ARHGEF10L: variants seen among roughly 807,000 people sequenced by gnomAD.
ARHGEF10L encodes the protein rho guanine nucleotide exchange factor 10-like protein.
A neutral mutation model predicts 141.2 loss-of-function variants in ARHGEF10L; 69 were observed. The ratio of observed to expected loss-of-function variants is 0.49; its 90% CI spans 0.40 to 0.60. The LOEUF (loss-of-function observed/expected upper bound fraction) is 0.60. ARHGEF10L is among the 20% of genes least tolerant of loss of function. The probability of loss-of-function intolerance (pLI) is 0.00; values close to 1 mark genes in which losing one functional copy is unlikely to be tolerated. For missense variants in ARHGEF10L, 1,482 were observed against 1,734.3 expected, an observed-to-expected ratio of 0.85 and a Z score of 2.58; for synonymous variants, 711 against 718.5, an observed-to-expected ratio of 0.99 and a Z score of 0.17.
chr1:17,648,816 A>G (rs1571246272), intron 22 of ARHGEF10L, 141 bp downstream of exon 22: 2 of 1,296,062 alleles, frequency 1.5e-6, no homozygotes, highest in Non-Finnish European at 2.1e-6. Flanking sequence ...TTACTGACAG[A>G]TTTGGTCAAG....
chr1:17,642,677 G>A, intron 21 of ARHGEF10L, among the ~76,000 whole-genome samples: 1 of 152,206 alleles, frequency 6.6e-6, no homozygotes, highest in East Asian at 1.9e-4. Flanking sequence ...TCAGCTGGAT[G>A]TTTCTGGGTG....
intron 1 of ARHGEF10L, among the ~76,000 whole-genome samples, chr1:17,562,567 T>C (rs894961280): frequency 6.6e-6 from 1 of 152,260 alleles, no homozygotes; most frequent in Non-Finnish European, 1.5e-5. Flanking sequence ...CATTCATTTA[T>C]TCCTGGCTAG....
At chr1:17,550,474 C>T (rs1281835452) in intron 1 of ARHGEF10L, among the ~76,000 whole-genome samples, 3 of 152,066 alleles carry the variant, frequency 2.0e-5, no homozygotes, top group Non-Finnish European at 4.4e-5. Context: ...GAAACCCCAT[C>T]TCTACTGAAA....
intron 25 of ARHGEF10L, among the ~76,000 whole-genome samples, chr1:17,661,708 A>G (rs2062636008): frequency 6.6e-6 from 1 of 152,170 alleles, no homozygotes; most frequent in Admixed American, 6.5e-5. Flanking sequence ...ATAGCAGCCT[A>G]ATTAGACTCC....
At chr1:17,617,883 G>C (rs59339538) in intron 9 of ARHGEF10L, among the ~76,000 whole-genome samples, 25 of 152,194 alleles carry the variant, frequency 1.6e-4, no homozygotes, top group Non-Finnish European at 3.7e-4. Context: ...GGACGGCCTC[G>C]TGCTGGCCTG....
intron 27 of ARHGEF10L, among the ~76,000 whole-genome samples, chr1:17,692,614 C>CTT (rs2065189570): frequency 6.6e-6 from 1 of 152,194 alleles, no homozygotes; most frequent in African/African-American, 2.4e-5. Context: ...ACTGCCGCCG[C>CTT]CCTTCCCACC....
In ARHGEF10L at chr1:17,627,525, C is replaced by A. The variant is rs770491162; in HGVS notation, c.1584+22C>A. On this transcript the variant is annotated intron_variant, in intron 15 of 28. Transcript: ENST00000361221. This position sits in a 1 kb window ranked among gnomAD's most constrained non-coding sequence, Gnocchi z 4.0. ...CAAGGTGAGCTGGGCCTCCCACCTG[C>A]CTGCCCTCACCTGCCTGCCCTCACC... 1 of 1,605,736 alleles carries A rather than the reference C, an allele frequency of 6.2e-7. No individual in the cohort carries two copies. The highest frequency in any genetic ancestry group is 1.1e-5 in the South Asian group (1 of 90,182).
chr1:17,561,285 A>G (rs1182806842), intron 1 of ARHGEF10L, among the ~76,000 whole-genome samples: 1 of 152,150 alleles, frequency 6.6e-6, no homozygotes, highest in African/African-American at 2.4e-5. Flanking sequence ...CCGCCCCGTC[A>G]TGCTGGCAGC....
chr1:17,591,629 C>T (rs1287781665), intron 4 of ARHGEF10L, among the ~76,000 whole-genome samples: 2 of 152,148 alleles, frequency 1.3e-5, no homozygotes, highest in Non-Finnish European at 2.9e-5. Context: ...CCAGGCTGGT[C>T]TTGAGCTCCT....
At chr1:17,592,876 C>G (rs936680878) in intron 4 of ARHGEF10L, among the ~76,000 whole-genome samples, 1 of 152,128 alleles carries the variant, frequency 6.6e-6, no homozygotes, top group African/African-American at 2.4e-5. Flanking sequence ...CATGGAGTCC[C>G]CCATGGGAGG....
At chr1:17,577,585 C>T (rs2078274918) in intron 1 of ARHGEF10L, among the ~76,000 whole-genome samples, 1 of 152,224 alleles carries the variant, frequency 6.6e-6, no homozygotes, top group South Asian at 2.1e-4. Flanking sequence ...ATGGTGGCCA[C>T]AGGCCTATGG....
At position 17,640,313 on chromosome 1, in the gene ARHGEF10L, C is replaced by A. The variant is rs1204319761; in HGVS notation, c.2272+11C>A. ...CCAAAATCGGACTCCGTGAGTATAG[C>A]CCCAGGGAGAGTGCCTCAGGGGGCA... On this transcript the variant is annotated intron_variant, in intron 21 of 28. Transcript: ENST00000361221. 3.1e-6 allele frequency: 5 copies of A among 1,603,882 alleles called. No homozygotes were observed. The highest frequency in any genetic ancestry group is 1.3e-5 in the African/African-American group (1 of 74,770).
rs1025946621 is a variant in ARHGEF10L at position 17,619,151 on chromosome 1, C to T, written c.836-188C>T. ...TATTCACTGATGGAATGTTCCAGGC[C>T]CTGGGACGTAGCAGGGAACTCCTGA... On this transcript the variant is annotated intron_variant, in intron 9 of 28. Coordinates refer to ENST00000361221, the MANE Select transcript of ARHGEF10L (RefSeq NM_018125.4). The surrounding 1 kb of genome is among the most constrained non-coding windows in gnomAD (Gnocchi z 5.0). Among the ~76,000 whole-genome samples the T allele has an allele frequency of 2.0e-5, 3 of 152,116 alleles. No homozygotes were observed. Among genetic ancestry groups the T allele is most frequent in the Non-Finnish European group, 2.9e-5 (2 of 68,032 alleles).
intron 27 of ARHGEF10L, chr1:17,694,871 G>C: frequency 3.3e-6 from 2 of 598,752 alleles, no homozygotes; most frequent in Non-Finnish European, 6.3e-6. Flanking sequence ...AGCGCACACA[G>C]ACCAGGCGCT....
At chr1:17,642,433 G>A (rs1053894055) in intron 21 of ARHGEF10L, among the ~76,000 whole-genome samples, 1 of 152,224 alleles carries the variant, frequency 6.6e-6, no homozygotes, top group African/African-American at 2.4e-5. Context: ...AGCCGTATGG[G>A]ATTTGTTCTG....
chr1:17,515,220 G>A, the ARHGEF10L span, among the ~76,000 whole-genome samples: 1 of 152,072 alleles, frequency 6.6e-6, no homozygotes, highest in Non-Finnish European at 1.5e-5. Context: ...GTGTGGGAGA[G>A]GGTGCTCCTG....
intron 1 of ARHGEF10L, among the ~76,000 whole-genome samples, chr1:17,553,909 G>A (rs2077205777): frequency 6.6e-6 from 1 of 152,186 alleles, no homozygotes; most frequent in African/African-American, 2.4e-5. Context: ...TACTCAACAG[G>A]GAGGCGAGTA....
chr1:17,683,040 G>A (rs898590001), intron 26 of ARHGEF10L, among the ~76,000 whole-genome samples: 34 of 152,250 alleles, frequency 2.2e-4, no homozygotes, highest in African/African-American at 7.7e-4. Flanking sequence ...GCATGGCCTG[G>A]CAGCAGCAAG....
intron 1 of ARHGEF10L, among the ~76,000 whole-genome samples, chr1:17,556,279 G>A (rs548047704): frequency 9.3e-6 from 1 of 107,458 alleles, no homozygotes; most frequent in South Asian, 3.4e-4. Flanking sequence ...CGGCGGGGGG[G>A]GGGCCTGGGA....
Sources: gnomAD v4.1 joint callset for allele counts (sites outside exome capture counted in the v4.1 genomes callset) on GRCh38, gnomAD v4.1.1 for gene constraint, Gnocchi (gnomAD v3.1) non-coding constraint, MANE v1.5 for transcripts, NCBI Gene and HGNC (gene_info 2026-07-23, HGNC 2026-07-21) for gene names.